Variants in CLCN5 observed in about 807,000 individuals in gnomAD.
The protein encoded by CLCN5 is Cl-/H+ antiporter 5, also known as H(+)/Cl(-) exchange transporter 5.
CLCN5 carries 17 observed loss-of-function variants against 54.0 expected under a neutral mutation model. That is an observed-to-expected ratio of 0.31 (90% confidence interval 0.22 to 0.47). The LOEUF (loss-of-function observed/expected upper bound fraction) is 0.47, where lower values mean the gene tolerates loss of function less well. CLCN5 is among the 20% of genes least tolerant of loss of function. The probability of loss-of-function intolerance (pLI) is 1.00; values close to 1 mark genes in which losing one functional copy is unlikely to be tolerated. For synonymous variants in CLCN5, 222 were observed against 233.0 expected, an observed-to-expected ratio of 0.95 and a Z score of 0.43; for missense variants, 448 against 646.7, an observed-to-expected ratio of 0.69 and a Z score of 3.33.
At chrX:49,926,897 G>C (rs1925373393) in intron 3 of CLCN5, among the ~76,000 whole-genome samples, 1 of 102,209 alleles carries the variant, frequency 9.8e-6, no homozygotes, top group South Asian at 3.7e-4. Flanking sequence ...AGAAGCAGGG[G>C]CAGTAAGGTT....
chrX:49,937,710 T>A (rs1188856809), intron 3 of CLCN5, among the ~76,000 whole-genome samples: 2 of 112,351 alleles, frequency 1.8e-5, no homozygotes, highest in Admixed American at 9.5e-5. Flanking sequence ...ATAGTAATTG[T>A]ATTCCAGACT....
chrX:49,961,668 T>A (rs1332771895), intron 3 of CLCN5, among the ~76,000 whole-genome samples: 6 of 112,302 alleles, frequency 5.3e-5, no homozygotes, highest in Non-Finnish European at 7.5e-5. Flanking sequence ...ACTAAATCGG[T>A]ATGTAGACTC....
chrX:50,002,681 CTGTGTGTG>C (rs60257335), intron 3 of CLCN5, among the ~76,000 whole-genome samples: 26 of 94,741 alleles, frequency 2.7e-4, no homozygotes, highest in African/African-American at 5.9e-4. Context: ...CTCTCTCTCT[CTGTGTGTG>C]TGTGTGTGTG....
At chrX:50,000,496 T>C (rs1929745984) in intron 3 of CLCN5, among the ~76,000 whole-genome samples, 1 of 111,343 alleles carries the variant, frequency 9.0e-6, no homozygotes, top group African/African-American at 3.3e-5. Context: ...GCTCTTTCTC[T>C]CTTCCTTTTC....
Position 50,018,483 on chromosome X carries a change from C to A in CLCN5, c.17-23833C>A, listed in dbSNP as rs782482509. Among the ~76,000 whole-genome samples the A allele has an allele frequency of 1.4e-4, 16 of 111,928 alleles. No individual in the cohort carries two copies. In the East Asian group the frequency reaches 4.2e-3, roughly 30 times the overall value. The stretch of plus-strand genomic sequence containing the variant: ...CTTGTCTTTTTTGCATTAGCTAGGT[C>A]TTTCAGTATGATGTTGAAATGGGTT... On this transcript the variant is annotated intron_variant, in intron 3 of 14. Coordinates refer to ENST00000376091, the MANE Select transcript of CLCN5 (RefSeq NM_001127898.4).
At chrX:49,957,270 A>G in intron 3 of CLCN5, among the ~76,000 whole-genome samples, 1 of 111,639 alleles carries the variant, frequency 9.0e-6, no homozygotes, top group East Asian at 2.8e-4. Context: ...ACTGCACTCC[A>G]GCCTGGGCGA....
At chrX:50,084,991 A>G (rs1396557982) in intron 9 of CLCN5, among the ~76,000 whole-genome samples, 1 of 111,974 alleles carries the variant, frequency 8.9e-6, no homozygotes, top group Non-Finnish European at 1.9e-5. Context: ...AAGCCATTGT[A>G]GCTAGGAATT....
At chrX:50,071,639 A>G (rs1233626498) in intron 5 of CLCN5, among the ~76,000 whole-genome samples, 4 of 112,393 alleles carry the variant, frequency 3.6e-5, no homozygotes, top group South Asian at 3.7e-4. Flanking sequence ...ACACTGTCAC[A>G]GGGAAAAATG....
intron 4 of CLCN5, among the ~76,000 whole-genome samples, chrX:50,060,517 A>G (rs1557189756): frequency 2.9e-5 from 3 of 104,613 alleles, no homozygotes; most frequent in African/African-American, 1.1e-4. Flanking sequence ...CGCCCACGGA[A>G]TCTCGCTGAT....
At chrX:50,081,618 A>G (rs782781058) in intron 8 of CLCN5, 23 bp from the exon 9 acceptor site, 49 of 1,166,910 alleles carry the variant, frequency 4.2e-5, no homozygotes, top group Non-Finnish European at 5.0e-5. Context: ...TCTATATTCA[A>G]TCTTTCTGTG....
intron 3 of CLCN5, among the ~76,000 whole-genome samples, chrX:49,989,874 T>C (rs1407624224): frequency 8.9e-6 from 1 of 112,153 alleles, no homozygotes; most frequent in Non-Finnish European, 1.9e-5. Flanking sequence ...TAGAGGAACC[T>C]TTAAGAGAGT....
intron 3 of CLCN5, among the ~76,000 whole-genome samples, chrX:49,929,894 A>G (rs1177984692): frequency 2.7e-5 from 3 of 110,172 alleles, no homozygotes; most frequent in African/African-American, 1.0e-4. Flanking sequence ...AAGGTAGAAT[A>G]ATAAGGAAAA....
intron 3 of CLCN5, among the ~76,000 whole-genome samples, chrX:49,927,000 A>T (rs1466226692): frequency 9.0e-6 from 1 of 111,142 alleles, no homozygotes; most frequent in Non-Finnish European, 1.9e-5. Context: ...CACTGGTGCC[A>T]TTCTCTGAGA....
intron 3 of CLCN5, among the ~76,000 whole-genome samples, chrX:50,012,297 A>G (rs1416598764): frequency 9.0e-6 from 1 of 111,431 alleles, no homozygotes; most frequent in Non-Finnish European, 1.9e-5. Context: ...GCATCTTCTC[A>G]CTCATGTCTG....
chrX:50,026,124 ACTT>A (rs782560523), intron 3 of CLCN5, among the ~76,000 whole-genome samples: 3 of 111,861 alleles, frequency 2.7e-5, no homozygotes, highest in Non-Finnish European at 5.6e-5. Flanking sequence ...TTTTCTTTAG[ACTT>A]CTTTAACCCA....
intron 3 of CLCN5, among the ~76,000 whole-genome samples, chrX:49,942,086 C>G (rs1212606396): frequency 9.5e-6 from 1 of 105,321 alleles, no homozygotes; most frequent in Non-Finnish European, 1.9e-5. Context: ...TCCCCCACCC[C>G]AGTTTTGAAC....
intron 3 of CLCN5, among the ~76,000 whole-genome samples, chrX:49,960,821 A>G (rs1193572830): frequency 9.1e-6 from 1 of 110,482 alleles, no homozygotes; most frequent in Non-Finnish European, 1.9e-5. Context: ...CCTACCCCAA[A>G]ATCTTCTTTT....
chrX:50,027,886 T>C (rs782802572), intron 3 of CLCN5, among the ~76,000 whole-genome samples: 91 of 111,572 alleles, frequency 8.2e-4, no homozygotes, highest in Non-Finnish European at 1.5e-3. Flanking sequence ...TAACTAAATG[T>C]GTCAGAGGCT....
intron 3 of CLCN5, among the ~76,000 whole-genome samples, chrX:50,037,297 G>A (rs1471839202): frequency 8.9e-6 from 1 of 112,085 alleles, no homozygotes. Flanking sequence ...TAGGAGCTAA[G>A]ATCCAGAGCA....
Sources: allele counts gnomAD v4.1 joint callset (sites outside exome capture counted in the v4.1 genomes callset), GRCh38; gene constraint gnomAD v4.1.1; transcripts MANE v1.5; gene names NCBI Gene and HGNC (gene_info 2026-07-23, HGNC 2026-07-21).